ZNF516: variants seen among roughly 807,000 people sequenced by gnomAD.
The protein encoded by ZNF516 is zinc finger protein 516.
Under a neutral mutation model 79.7 loss-of-function variants are expected in ZNF516, and 19 were observed. The observed-to-expected ratio is 0.24, with a 90% CI of 0.17 to 0.35. ZNF516 has a LOEUF of 0.35. Ranked by LOEUF, ZNF516 falls within the 10% of genes least tolerant of loss-of-function variation. The probability of loss-of-function intolerance (pLI) is 1.00; values close to 1 mark genes in which losing one functional copy is unlikely to be tolerated. For missense variants in ZNF516, 1,678 were observed against 1,679.5 expected (o/e 1.00, Z 0.02); for synonymous variants, 877 against 739.5 (o/e 1.19, Z -3.02).
rs778174936 is a variant in ZNF516 at position 76,379,620 on chromosome 18, G to A, written c.2494C>T (p.Leu832Phe). The change falls in exon 4 of 7, where the codon CTT becomes TTT. Residue 832 changes from leucine to phenylalanine, a missense_variant. By Grantham distance (22) the Leu-to-Phe change is conservative. Around this residue, in one of 5 missense-constraint regions of ZNF516, gnomAD observed 1,294 missense variants for 1,248.3 expected, o/e 1.04. Coordinates refer to ENST00000443185, the MANE Select transcript of ZNF516 (RefSeq NM_014643.4). ...LGGKECQPLLLARFTRTQVPG... is the reference protein window; with the variant it reads ...LGGKECQPLLFARFTRTQVPG... ...ACCTGAGTGCGGGTGAACCGAGCAA[G>A]GAGCAAAGGCTGGCATTCTTTGCCA... The A allele has an allele frequency of 4.3e-6, 7 of 1,613,650 alleles. No individual in the cohort carries two copies. Among genetic ancestry groups the A allele is most frequent in the Middle Eastern group, 1.6e-4 (1 of 6,062 alleles).
At chr18:76,452,544 G>A (rs988903058) in intron 2 of ZNF516, among the ~76,000 whole-genome samples, 1 of 152,162 alleles carries the variant, frequency 6.6e-6, no homozygotes, top group Non-Finnish European at 1.5e-5. Flanking sequence ...ATGCATATAT[G>A]ACCTAAATGT....
intron 3 of ZNF516, among the ~76,000 whole-genome samples, chr18:76,440,404 C>T (rs753313915): frequency 6.6e-6 from 1 of 152,160 alleles, no homozygotes; most frequent in Non-Finnish European, 1.5e-5. Flanking sequence ...TCAGTAACGG[C>T]GTTGCAGAGA....
At position 76,359,733 on chromosome 18, in the gene ZNF516, A is replaced by G. The variant is rs1348379888; in HGVS notation, c.*2765T>C. On this transcript the variant is annotated 3_prime_UTR_variant, in exon 7 of 7. Transcript: ENST00000443185. ...CGCAACACTGTAAAAAATCCTGTTAAGAAACAAGGAAACAGCAGATCGGGA... is the reference window on the plus strand; with the variant it reads ...CGCAACACTGTAAAAAATCCTGTTAGGAAACAAGGAAACAGCAGATCGGGA... 1 of 152,208 alleles carries G rather than the reference A, an allele frequency of 6.6e-6. No homozygotes were observed. Among genetic ancestry groups the G allele is most frequent in the Non-Finnish European group, 1.5e-5 (1 of 68,042 alleles). The allele number at this position is 152,208 out of a possible 1,614,324, so 9.4% of individuals were successfully genotyped here. A position where few individuals can be genotyped will look rare whatever the true frequency, so the allele number is the denominator to read the frequency against.
chr18:76,417,028 C>T (rs879869391), intron 3 of ZNF516, among the ~76,000 whole-genome samples: 16 of 152,164 alleles, frequency 1.1e-4, no homozygotes, highest in African/African-American at 1.7e-4. Context: ...AGGGTCAGGG[C>T]GATCTGGGAT....
intron 3 of ZNF516, among the ~76,000 whole-genome samples, chr18:76,425,401 A>C (rs999400514): frequency 6.6e-6 from 1 of 152,230 alleles, no homozygotes. Flanking sequence ...AAATAAGGCT[A>C]GCTCATGCAC....
rs755006051 is a variant in ZNF516 at position 76,379,369 on chromosome 18, T to G, written c.2745A>C (p.Lys915Asn). The change falls in exon 4 of 7, where the codon AAA becomes AAC. Residue 915 changes from lysine to asparagine, a missense_variant. Transcript: ENST00000443185. ...LAKPRQEASS[K>N]PVPAPGGGGF... ...CCCCGCCACCCGGGGCAGGCACCGG[T>G]TTGGAGCTAGCCTCCTGCCTGGGCT... 3.8e-6 allele frequency: 6 copies of G among 1,596,724 alleles called. No homozygotes were observed. The East Asian group carries it at 1.3e-4, about 36-fold the overall frequency.
At chr18:76,401,935 A>C (rs555890207) in intron 3 of ZNF516, among the ~76,000 whole-genome samples, 19 of 148,358 alleles carry the variant, frequency 1.3e-4, no homozygotes, top group Admixed American at 2.7e-4. Context: ...CCAACTCTGC[A>C]TAAACAATTT....
chr18:76,372,468 C>A (rs1338828660), intron 4 of ZNF516, among the ~76,000 whole-genome samples: 2 of 152,178 alleles, frequency 1.3e-5, no homozygotes, highest in Non-Finnish European at 2.9e-5. Flanking sequence ...GAAAAAGTTA[C>A]ACCTGTTGCA....
At chr18:76,448,361 C>G (rs1177499018) in intron 2 of ZNF516, among the ~76,000 whole-genome samples, 1 of 152,180 alleles carries the variant, frequency 6.6e-6, no homozygotes, top group Non-Finnish European at 1.5e-5. Context: ...TTCAACTAAT[C>G]AATCCCTTCT....
chr18:76,418,758 T>C (rs1014569154), intron 3 of ZNF516, among the ~76,000 whole-genome samples: 9 of 152,250 alleles, frequency 5.9e-5, no homozygotes, highest in African/African-American at 9.6e-5. Context: ...TCAAACGCTA[T>C]AATGCAATGC....
rs534917870 is a variant in ZNF516, at chr18:76,482,348, T to G, written c.-272+12796A>C. 3.3e-3 allele frequency among the ~76,000 whole-genome samples: 504 copies of G among 152,324 alleles called. 3 individuals carry two copies. Among genetic ancestry groups the G allele is most frequent in the African/African-American group, 0.012 (480 of 41,568 alleles). ...TTTGTTTGTATTTTACTGTAGATGG[T>G]CCCCAACTTAGGAAAGTTTGACTTA... On this transcript the variant is annotated intron_variant, in intron 1 of 6. Coordinates refer to ENST00000443185, the MANE Select transcript of ZNF516 (RefSeq NM_014643.4).
At position 76,379,719 on chromosome 18, in the gene ZNF516, C is replaced by T. The variant is rs894112465; in HGVS notation, c.2395G>A (p.Gly799Ser). ...AAATTGCTTCTGATGCTTTTGTAAC[C>T]ATTGGGCTGAATCCACGGGGGAGCC... ...SVAPPWIQPN[G>S]YKSIRSNLVF... The change falls in exon 4 of 7, where the codon GGT (glycine) becomes AGT (serine). Residue 799 changes from glycine to serine, a missense_variant. By Grantham distance (56) the Gly-to-Ser change is moderately conservative. Transcript: ENST00000443185. 3.1e-6 allele frequency: 5 copies of T among 1,613,842 alleles called. No homozygotes were observed. The Admixed American group carries it at 8.3e-5, about 27-fold the overall frequency.
chr18:76,400,170 T>C (rs1425042082), intron 3 of ZNF516, among the ~76,000 whole-genome samples: 1 of 152,044 alleles, frequency 6.6e-6, no homozygotes, highest in African/African-American at 2.4e-5. Context: ...GGAGGGACAA[T>C]TTCCCAAGAG....
intron 4 of ZNF516, among the ~76,000 whole-genome samples, chr18:76,377,314 T>C (rs377697228): frequency 2.0e-5 from 3 of 152,252 alleles, no homozygotes; most frequent in African/African-American, 7.2e-5. Context: ...TACGGCCTCA[T>C]CCTAAAAAGT....
chr18:76,390,017 C>T (rs1050748816), intron 3 of ZNF516, among the ~76,000 whole-genome samples: 5 of 152,202 alleles, frequency 3.3e-5, no homozygotes, highest in African/African-American at 7.2e-5. Flanking sequence ...GAGCTTCTCA[C>T]TCTTGGTTAA....
rs534598302 is a variant in ZNF516, at chr18:76,362,531, G to A, written c.3459C>T (p.Thr1153=). The change falls in exon 7 of 7, where the codon ACC becomes ACT. Residue 1153 remains threonine (T), a synonymous_variant. Transcript: ENST00000443185. ...CCTTTCTCAGAGGCACTGTCTGGAC[G>A]GTACCTGTGTTAGAATGGTCTCTCC... The part of the protein sequence containing the change: ...KQGRDHSNTG[T]VQTVPLRKGT The A allele has an allele frequency of 3.3e-5, 54 of 1,613,134 alleles. No homozygotes were observed. Among genetic ancestry groups the A allele is most frequent in the African/African-American group, 8.0e-5 (6 of 75,026 alleles).
chr18:76,379,956 C>A lies in ZNF516; in HGVS notation c.2158G>T (p.Gly720Trp), dbSNP rs201138112. 6.2e-6 allele frequency: 10 copies of A among 1,614,018 alleles called. No homozygotes were observed. In the South Asian group the frequency reaches 9.9e-5, roughly 16 times the overall value. The change falls in exon 4 of 7, where the codon GGG (glycine) becomes TGG (tryptophan). Residue 720 changes from glycine to tryptophan, a missense_variant. Gly to Trp is a radical substitution (Grantham distance 184, BLOSUM62 -2). Transcript: ENST00000443185. ...GGGGCCAGCGCCCGCTTCCCTCCCC[C>A]AGAGTGTTCCTTGTTGTGCAAATCG... ...LSDLHNKEHS[G>W]GGKRALAPDL... is the part of the protein sequence containing the mutation.
chr18:76,385,126 C>T lies in ZNF516; in HGVS notation c.1811-4823G>A, dbSNP rs535398247. ...GCTCCCAACCCCACGAGTGTGCACA[C>T]GCGTGCCACAGACGGTGACTATGGC... On this transcript the variant is annotated intron_variant, in intron 3 of 6. Coordinates refer to ENST00000443185, the MANE Select transcript of ZNF516 (RefSeq NM_014643.4). Among the ~76,000 whole-genome samples, 18 of 152,366 alleles carry T rather than the reference C, an allele frequency of 1.2e-4. No individual in the cohort carries two copies. In the South Asian group the frequency reaches 1.2e-3, roughly 11 times the overall value.
chr18:76,463,587 T>C (rs896074050), intron 1 of ZNF516, among the ~76,000 whole-genome samples: 5 of 152,222 alleles, frequency 3.3e-5, no homozygotes, highest in Non-Finnish European at 5.9e-5. Flanking sequence ...TGGGTGGCTC[T>C]CGCTCTTCTT....
Sources: gnomAD v4.1 joint callset for allele counts (sites outside exome capture counted in the v4.1 genomes callset) on GRCh38, gnomAD v4.1.1 for gene constraint, gnomAD v4.1.1 regional missense constraint, MANE v1.5 for transcripts, NCBI Gene and HGNC (gene_info 2026-07-23, HGNC 2026-07-21) for gene names.